LARP1B: variants seen among roughly 807,000 people sequenced by gnomAD.
The protein encoded by LARP1B is La ribonucleoprotein 1B.
In LARP1B, 76 loss-of-function variants were observed where a neutral mutation model predicts 114.2. That is an observed-to-expected ratio of 0.67 (90% CI 0.55 to 0.81). LARP1B has a LOEUF of 0.81. Among genes scored for constraint, LARP1B ranks in the 30% least tolerant of loss-of-function variants. The pLI is 0.00. For synonymous variants in LARP1B, 345 were observed against 348.0 expected, an observed-to-expected ratio of 0.99 and a Z score of 0.10; for missense variants, 1,014 against 1,075.8, an observed-to-expected ratio of 0.94 and a Z score of 0.80.
chr4:128,067,592 T>G (rs1310257369), intron 1 of LARP1B, among the ~76,000 whole-genome samples: 4 of 152,212 alleles, frequency 2.6e-5, no homozygotes. Context: ...TGAGGCACTC[T>G]TCAGCCAAAG....
chr4:128,169,920 A>G (rs1742827111), intron 12 of LARP1B, among the ~76,000 whole-genome samples: 1 of 152,202 alleles, frequency 6.6e-6, no homozygotes, highest in Admixed American at 6.5e-5. Flanking sequence ...TACAGGCATG[A>G]GCCATGAGCA....
rs1371198237 is a variant in LARP1B at position 128,162,254 on chromosome 4, A to G, written c.1585A>G (p.Thr529Ala). 1 of 1,612,886 alleles carries G rather than the reference A, an allele frequency of 6.2e-7. No homozygotes were observed. The highest frequency in any genetic ancestry group is 2.2e-5 in the East Asian group (1 of 44,814). ...TAGTAAAGAGCAGTTTGAAAACCTAACACCTGAACTTCCTTTTGAGCCAAA... is the reference window on the plus strand; with the variant it reads ...TAGTAAAGAGCAGTTTGAAAACCTAGCACCTGAACTTCCTTTTGAGCCAAA... ...LISKEQFENL[T>A]PELPFEPNQE... The change falls in exon 12 of 20, where the codon ACA becomes GCA. Residue 529 changes from threonine to alanine, a missense_variant. By Grantham distance (58) the Thr-to-Ala change is moderately conservative (BLOSUM62 0). Coordinates refer to ENST00000326639, the MANE Select transcript of LARP1B (RefSeq NM_018078.4).
rs543573738 is a variant in LARP1B at position 128,143,093 on chromosome 4, T to C, written c.1525-19101T>C. 5.5e-4 allele frequency among the ~76,000 whole-genome samples: 84 copies of C among 152,124 alleles called. 1 individual carries two copies. Among genetic ancestry groups the C allele is most frequent in the Non-Finnish European group, 7.8e-4 (53 of 68,004 alleles). On this transcript the variant is annotated intron_variant, in intron 11 of 19. Transcript: ENST00000326639. ...TGAGGTCAAGAGATTGAGACCATCC[T>C]GGCCAACATGGTGAAACCCCATCCC...
In LARP1B at chr4:128,164,734, A is replaced by G. The variant is rs1044366193; in HGVS notation, c.1648+2417A>G. Among the ~76,000 whole-genome samples the G allele has an allele frequency of 7.2e-5, 11 of 152,288 alleles. No homozygotes were observed. The East Asian group carries it at 1.9e-3, about 27-fold the overall frequency. On this transcript the variant is annotated intron_variant, in intron 12 of 19. Transcript: ENST00000326639. ...CAACACTTCGGGAGGCCAAGGCAGG[A>G]GGATCACTTGAGCCCAGGAGTTTGA... is the stretch of plus-strand genomic sequence containing the variant.
rs554646364 is a variant in LARP1B at position 128,101,640 on chromosome 4, T to C, written c.813+3310T>C. Among the ~76,000 whole-genome samples, 18 of 151,934 alleles carry C rather than the reference T, an allele frequency of 1.2e-4. No homozygotes were observed. In the South Asian group the frequency reaches 3.5e-3, roughly 30 times the overall value. ...TAGAATGAGTTTATTTATTTACTTA[T>C]TTATTTATTTTCATTTTTTAGTAGA... On this transcript the variant is annotated intron_variant, in intron 8 of 19. Coordinates refer to ENST00000326639, the MANE Select transcript of LARP1B (RefSeq NM_018078.4).
intron 11 of LARP1B, among the ~76,000 whole-genome samples, chr4:128,149,629 G>A (rs1315873952): frequency 1.3e-5 from 2 of 152,178 alleles, no homozygotes; most frequent in African/African-American, 4.8e-5. Flanking sequence ...ATGATCTTAA[G>A]ATCAGATTTG....
chr4:128,110,859 T>TTA (rs1783876073), intron 9 of LARP1B, among the ~76,000 whole-genome samples: 1 of 151,706 alleles, frequency 6.6e-6, no homozygotes, highest in South Asian at 2.1e-4. Flanking sequence ...TTGAAATACT[T>TTA]TACTTCCCAG....
chr4:128,155,913 C>G, intron 11 of LARP1B: 8 of 1,546,274 alleles, frequency 5.2e-6, no homozygotes, highest in Non-Finnish European at 7.1e-6. Context: ...GCAAAATCCC[C>G]GAAGGAGCCA....
At chr4:128,186,221 A>T (rs1211550302) in intron 15 of LARP1B, among the ~76,000 whole-genome samples, 1 of 152,022 alleles carries the variant, frequency 6.6e-6, no homozygotes. Flanking sequence ...AGAAATTTTG[A>T]TAGGGATGGA....
chr4:128,176,379 C>T (rs1310220707), intron 12 of LARP1B, among the ~76,000 whole-genome samples: 22 of 150,710 alleles, frequency 1.5e-4, no homozygotes, highest in African/African-American at 5.4e-4. Flanking sequence ...CTGCAGCCTC[C>T]ACCTGCCGGG....
intron 12 of LARP1B, among the ~76,000 whole-genome samples, chr4:128,173,171 C>T (rs568883130): frequency 2.6e-5 from 4 of 152,000 alleles, no homozygotes; most frequent in South Asian, 2.1e-4. Flanking sequence ...TCTATCTGAC[C>T]GCTATAGTTC....
chr4:128,063,514 T>A (rs1761208257), intron 1 of LARP1B, among the ~76,000 whole-genome samples: 1 of 143,758 alleles, frequency 7.0e-6, no homozygotes, highest in African/African-American at 2.6e-5. Flanking sequence ...GCGCGGTGGC[T>A]CACGCCTGTA....
intron 12 of LARP1B, among the ~76,000 whole-genome samples, chr4:128,166,993 T>TATATAC (rs775724221): frequency 6.5e-5 from 9 of 138,380 alleles, no homozygotes; most frequent in Middle Eastern, 3.8e-3. Context: ...TATATATATA[T>TATATAC]ACACACACAC....
At chr4:128,213,020 G>A (rs1023610015), downstream of LARP1B, among the ~76,000 whole-genome samples, 7 of 139,172 alleles carry the variant, frequency 5.0e-5, no homozygotes, top group African/African-American at 1.9e-4. Context: ...CCAGATCCAA[G>A]CAATTCTCCC....
chr4:128,089,289 T>TATAGACTCAAAGTAGATATAC, intron 5 of LARP1B, among the ~76,000 whole-genome samples: 1 of 152,296 alleles, frequency 6.6e-6, no homozygotes, highest in South Asian at 2.1e-4. Flanking sequence ...TCCAAGTTGA[T>TATAGACTCAAAGTAGATATAC]TTTCAAAGTA....
chr4:128,066,026 A>AGG (rs1248319399), intron 1 of LARP1B, among the ~76,000 whole-genome samples: 1 of 151,306 alleles, frequency 6.6e-6, no homozygotes, highest in Admixed American at 6.6e-5. Flanking sequence ...TTGTAGAGAC[A>AGG]GGGGCCCCCT....
At chr4:128,174,265 A>G (rs1744998685) in intron 12 of LARP1B, among the ~76,000 whole-genome samples, 1 of 152,064 alleles carries the variant, frequency 6.6e-6, no homozygotes, top group Non-Finnish European at 1.5e-5. Context: ...GGAAGTTATA[A>G]TATCTAGATG....
chr4:128,067,204 G>T (rs1763329709), intron 1 of LARP1B, among the ~76,000 whole-genome samples: 1 of 152,090 alleles, frequency 6.6e-6, no homozygotes, highest in Admixed American at 6.6e-5. Context: ...AAATCTATTA[G>T]TTATCTATTA....
intron 11 of LARP1B, among the ~76,000 whole-genome samples, chr4:128,126,938 A>G (rs2150061235): frequency 6.6e-6 from 1 of 152,284 alleles, no homozygotes; most frequent in South Asian, 2.1e-4. Context: ...TCATTATTAT[A>G]AGAGGCAATT....
Sources: allele counts gnomAD v4.1 joint callset (sites outside exome capture counted in the v4.1 genomes callset), GRCh38; gene constraint gnomAD v4.1.1; transcripts MANE v1.5; gene names NCBI Gene and HGNC (gene_info 2026-07-23, HGNC 2026-07-21).